KLRF1: variants seen among roughly 807,000 people sequenced by gnomAD.
The protein encoded by KLRF1 is killer cell lectin like receptor F1.
Under a neutral mutation model 30.7 loss-of-function variants are expected in KLRF1, and 27 were observed. The ratio of observed to expected loss-of-function variants is 0.88; its 90% confidence interval spans 0.65 to 1.21. KLRF1 has a LOEUF of 1.21. KLRF1 is among the 50% of genes most tolerant of loss of function. The pLI is 0.00. For synonymous variants in KLRF1, 92 were observed against 89.3 expected (o/e 1.03, Z -0.17); for missense variants, 246 against 259.3 (o/e 0.95, Z 0.35).
Position 9,844,546 on chromosome 12 carries a change from T to C in KLRF1, c.*20T>C. The C allele has an allele frequency of 2.3e-6, 3 of 1,303,850 alleles. No homozygotes were observed. The highest frequency in any genetic ancestry group is 3.3e-6 in the Non-Finnish European group (3 of 904,640). 80.8% of individuals were successfully genotyped at this position (1,303,850 alleles called of 1,614,324 possible). On this transcript the variant is annotated 3_prime_UTR_variant, in exon 6 of 6. Coordinates refer to ENST00000617889, the MANE Select transcript of KLRF1 (RefSeq NM_016523.3). Reference sequence around the variant, plus strand: ...TATTAGAGTTTGACAAAATTCACAGTGAAATAATCAATGATCACTATTTTT... The same window carrying C: ...TATTAGAGTTTGACAAAATTCACAGCGAAATAATCAATGATCACTATTTTT...
At chr12:9,838,632 G>C (rs1166761905) in intron 3 of KLRF1, among the ~76,000 whole-genome samples, 1 of 152,072 alleles carries the variant, frequency 6.6e-6, no homozygotes, top group Non-Finnish European at 1.5e-5. Flanking sequence ...GCAGGATTGT[G>C]GTCTGTTATA....
At chr12:9,823,381 A>G (rs1867248419), upstream of KLRF1, among the ~76,000 whole-genome samples, 1 of 152,202 alleles carries the variant, frequency 6.6e-6, no homozygotes, top group East Asian at 1.9e-4. Flanking sequence ...ATGCTCCTGA[A>G]TGACTTTGGG....
chr12:9,819,261 T>A, the KLRF1 span, among the ~76,000 whole-genome samples: 1 of 151,980 alleles, frequency 6.6e-6, no homozygotes, highest in Non-Finnish European at 1.5e-5. Flanking sequence ...CATCTCTACA[T>A]CCCTAGGAAA....
At chr12:9,830,179 C>G (rs1262950842) in intron 1 of KLRF1, among the ~76,000 whole-genome samples, 16 of 152,038 alleles carry the variant, frequency 1.1e-4, no homozygotes. Flanking sequence ...TTTTGGTTAA[C>G]TATCCGTGAG....
chr12:9,805,505 T>TACAAAA, the KLRF1 span, among the ~76,000 whole-genome samples: 1 of 152,068 alleles, frequency 6.6e-6, no homozygotes, highest in Admixed American at 6.5e-5. Context: ...GATGATTATA[T>TACAAAA]TTCAACATGA....
upstream of KLRF1, among the ~76,000 whole-genome samples, chr12:9,826,453 A>C (rs1268910237): frequency 6.6e-6 from 1 of 152,236 alleles, no homozygotes; most frequent in Non-Finnish European, 1.5e-5. Flanking sequence ...TAGTTCAACC[A>C]TTATGAAAGA....
the KLRF1 span, among the ~76,000 whole-genome samples, chr12:9,804,774 T>C: frequency 6.6e-6 from 1 of 152,060 alleles, no homozygotes; most frequent in African/African-American, 2.4e-5. Flanking sequence ...ATGTGTTTTT[T>C]TGTAGATGTT....
At chr12:9,836,101 T>C (rs2121219339) in intron 3 of KLRF1, among the ~76,000 whole-genome samples, 1 of 152,010 alleles carries the variant, frequency 6.6e-6, no homozygotes, top group South Asian at 2.1e-4. Context: ...AGATTAGAAA[T>C]GGCTAGGAGA....
the KLRF1 span, among the ~76,000 whole-genome samples, chr12:9,810,373 T>G: frequency 1.3e-5 from 2 of 152,184 alleles, no homozygotes; most frequent in African/African-American, 4.8e-5. Flanking sequence ...GCTTATCTTT[T>G]GTGTGTCCTT....
chr12:9,832,718 G>A (rs942906301), intron 2 of KLRF1, among the ~76,000 whole-genome samples: 3 of 151,496 alleles, frequency 2.0e-5, no homozygotes, highest in African/African-American at 4.9e-5. Context: ...ATTTGAAACA[G>A]TTTTTCTGTG....
the KLRF1 span, among the ~76,000 whole-genome samples, chr12:9,804,622 G>A: frequency 6.6e-6 from 1 of 152,076 alleles, no homozygotes; most frequent in Non-Finnish European, 1.5e-5. Context: ...TGTAGCAAGA[G>A]GTTTAACTTT....
the KLRF1 span, among the ~76,000 whole-genome samples, chr12:9,804,192 A>G: frequency 2.0e-5 from 3 of 151,812 alleles, no homozygotes; most frequent in Non-Finnish European, 4.4e-5. Flanking sequence ...TATGTTCTTG[A>G]TAATCATTCA....
chr12:9,818,187 G>T, the KLRF1 span, among the ~76,000 whole-genome samples: 2 of 152,184 alleles, frequency 1.3e-5, no homozygotes, highest in Non-Finnish European at 2.9e-5. Context: ...CATAGAGCTG[G>T]ACTGTCTCTT....
the KLRF1 span, among the ~76,000 whole-genome samples, chr12:9,806,303 C>A: frequency 6.6e-6 from 1 of 152,004 alleles, no homozygotes; most frequent in African/African-American, 2.4e-5. Context: ...ACAAACCTAG[C>A]TGTAAGTTGT....
chr12:9,810,516 A>G, the KLRF1 span, among the ~76,000 whole-genome samples: 1 of 152,098 alleles, frequency 6.6e-6, no homozygotes, highest in South Asian at 2.1e-4. Flanking sequence ...TCTAAAATAG[A>G]CTCCCCAAAC....
upstream of KLRF1, among the ~76,000 whole-genome samples, chr12:9,827,274 A>G (rs1251113783): frequency 6.6e-6 from 1 of 152,200 alleles, no homozygotes; most frequent in Non-Finnish European, 1.5e-5. Context: ...AGAAATTTGT[A>G]AAGCACTCAA....
At chr12:9,808,336 A>T in the KLRF1 span, among the ~76,000 whole-genome samples, 5 of 152,062 alleles carry the variant, frequency 3.3e-5, no homozygotes, top group African/African-American at 9.7e-5. Context: ...TCTAAAATAA[A>T]TCTCACTCCA....
At chr12:9,808,034 G>T in the KLRF1 span, among the ~76,000 whole-genome samples, 1 of 152,008 alleles carries the variant, frequency 6.6e-6, no homozygotes, top group Admixed American at 6.6e-5. Context: ...AACTAAAAGG[G>T]ATAATTATAT....
upstream of KLRF1, among the ~76,000 whole-genome samples, chr12:9,824,767 T>C (rs59491469): frequency 3.7e-3 from 569 of 152,230 alleles, no homozygotes; most frequent in African/African-American, 0.013. Context: ...ATCAGCAAAG[T>C]TTCAGGATAC....
Sources: allele counts gnomAD v4.1 joint callset (sites outside exome capture counted in the v4.1 genomes callset), GRCh38; gene constraint gnomAD v4.1.1; transcripts MANE v1.5; gene names NCBI Gene and HGNC (gene_info 2026-07-23, HGNC 2026-07-21).